Variants in COL21A1 observed in about 807,000 individuals in gnomAD.
COL21A1 encodes the protein collagen alpha-1(XXI) chain.
Under a neutral mutation model 137.9 loss-of-function variants are expected in COL21A1, and 149 were observed. The ratio of observed to expected loss-of-function variants is 1.08; its 90% CI spans 0.95 to 1.24. The LOEUF is 1.24. Ranked by LOEUF, COL21A1 falls within the 50% of genes most tolerant of loss-of-function variation. COL21A1 has a pLI of 0.00. For synonymous variants in COL21A1, 456 were observed against 391.5 expected (o/e 1.16, Z -1.95); for missense variants, 1,167 against 1,158.4 (o/e 1.01, Z -0.11).
intron 20 of COL21A1, among the ~76,000 whole-genome samples, chr6:56,072,270 T>C (rs1766826652): frequency 6.6e-6 from 1 of 151,610 alleles, no homozygotes; most frequent in Non-Finnish European, 1.5e-5. Flanking sequence ...TGAACATACG[T>C]GTGCTTGTAT....
At chr6:56,165,362 C>A (rs1776494179) in intron 7 of COL21A1, among the ~76,000 whole-genome samples, 1 of 152,104 alleles carries the variant, frequency 6.6e-6, no homozygotes, top group African/African-American at 2.4e-5. Flanking sequence ...AAAAGGCAAA[C>A]AGGCCACAGA....
chr6:56,119,630 AG>A (rs1772273347), intron 16 of COL21A1, among the ~76,000 whole-genome samples: 1 of 152,158 alleles, frequency 6.6e-6, no homozygotes, highest in African/African-American at 2.4e-5. Flanking sequence ...ATAAAAGTGG[AG>A]GAATTACATT....
chr6:56,358,127 T>C (rs567338308), intron 1 of COL21A1, among the ~76,000 whole-genome samples: 11 of 152,294 alleles, frequency 7.2e-5, no homozygotes, highest in African/African-American at 2.6e-4. Context: ...ACTTTTTTTC[T>C]AAGGGGTATA....
At chr6:56,088,111 C>A (rs1768429612) in intron 17 of COL21A1, among the ~76,000 whole-genome samples, 1 of 152,090 alleles carries the variant, frequency 6.6e-6, no homozygotes, top group Admixed American at 6.6e-5. Context: ...CACCTGTAAT[C>A]CTAGCACTTT....
chr6:56,214,159 T>C (rs565216955), intron 1 of COL21A1, among the ~76,000 whole-genome samples: 5 of 152,176 alleles, frequency 3.3e-5, no homozygotes, highest in Middle Eastern at 3.4e-3. Context: ...GAATTTCAAG[T>C]TCCATGATAA....
Position 56,331,471 on chromosome 6 carries a change from G to C in COL21A1, c.-39+62500C>G, listed in dbSNP as rs934179888. ...AATTTTTTATATGGTGAAAGATGGG[G>C]GTCCAGTTTCACGCTTCTGTATATG... On this transcript the variant is annotated intron_variant, in intron 1 of 28. Coordinates refer to the COL21A1 transcript ENST00000370819. 5.3e-5 allele frequency among the ~76,000 whole-genome samples: 8 copies of C among 151,918 alleles called. No individual in the cohort carries two copies. The East Asian group carries it at 1.4e-3, about 26-fold the overall frequency.
intron 22 of COL21A1, among the ~76,000 whole-genome samples, chr6:56,068,207 T>C (rs1396480325): frequency 6.6e-6 from 1 of 151,564 alleles, no homozygotes; most frequent in Admixed American, 6.6e-5. Context: ...GATCATACTG[T>C]GTATGATCTA....
chr6:56,132,746 G>T (rs1323369573), intron 12 of COL21A1, among the ~76,000 whole-genome samples: 2 of 152,178 alleles, frequency 1.3e-5, no homozygotes, highest in Non-Finnish European at 2.9e-5. Flanking sequence ...GAACCCAGTG[G>T]GAGGTAATTG....
chr6:56,087,552 C>T (rs919959788), intron 17 of COL21A1, among the ~76,000 whole-genome samples: 1 of 152,112 alleles, frequency 6.6e-6, no homozygotes, highest in Non-Finnish European at 1.5e-5. Flanking sequence ...ATTGATGGAA[C>T]CAATCCAGAA....
At chr6:56,173,864 T>G (rs1376933360) in intron 3 of COL21A1, among the ~76,000 whole-genome samples, 1 of 152,130 alleles carries the variant, frequency 6.6e-6, no homozygotes, top group Non-Finnish European at 1.5e-5. Flanking sequence ...GCATACAGAA[T>G]ATTCCACCAA....
At position 56,380,182 on chromosome 6, in the gene COL21A1, G is replaced by T. The variant is rs547619702; in HGVS notation, c.-39+13789C>A. ...CCTAGCACCTCCTCCCCTCTCTCTT[G>T]CTCCCTCTCTTGCCATGTGACACAG... On this transcript the variant is annotated intron_variant, in intron 1 of 28. Coordinates refer to the COL21A1 transcript ENST00000370819. Among the ~76,000 whole-genome samples the T allele has an allele frequency of 2.0e-5, 3 of 152,140 alleles. No homozygotes were observed. The South Asian group carries it at 6.2e-4, about 32-fold the overall frequency.
At chr6:56,168,441 TC>T in intron 5 of COL21A1, 144 bp from the exon 6 acceptor site, 2 of 533,798 alleles carry the variant, frequency 3.7e-6, no homozygotes, top group Non-Finnish European at 5.9e-6. Context: ...TTCACCCTGA[TC>T]CAAGGTGGAC....
At chr6:56,145,296 AT>A (rs1484674686) in intron 10 of COL21A1, among the ~76,000 whole-genome samples, 4 of 152,204 alleles carry the variant, frequency 2.6e-5, no homozygotes, top group Non-Finnish European at 5.9e-5. Context: ...TGATATGTAT[AT>A]TTTTAAGGTT....
chr6:56,290,681 T>C (rs1006370255), intron 1 of COL21A1, among the ~76,000 whole-genome samples: 5 of 152,078 alleles, frequency 3.3e-5, no homozygotes, highest in Admixed American at 2.6e-4. Context: ...TTTGTATTTT[T>C]AGTAGAGATG....
intron 16 of COL21A1, among the ~76,000 whole-genome samples, chr6:56,103,146 A>G (rs1194623496): frequency 6.6e-6 from 1 of 152,168 alleles, no homozygotes; most frequent in Non-Finnish European, 1.5e-5. Flanking sequence ...GGCAAGATCA[A>G]CTTCTTCATT....
chr6:56,300,154 T>A (rs1378040609), intron 1 of COL21A1, among the ~76,000 whole-genome samples: 1 of 152,078 alleles, frequency 6.6e-6, no homozygotes, highest in Non-Finnish European at 1.5e-5. Flanking sequence ...AACATGAATA[T>A]GAGGAAATTC....
intron 1 of COL21A1, among the ~76,000 whole-genome samples, chr6:56,297,350 T>A (rs1461154492): frequency 6.6e-6 from 1 of 151,400 alleles, no homozygotes; most frequent in Admixed American, 6.6e-5. Flanking sequence ...TACTTCATTG[T>A]TTTTTTTATT....
intron 1 of COL21A1, among the ~76,000 whole-genome samples, chr6:56,210,179 A>C (rs1780070212): frequency 6.6e-6 from 1 of 152,124 alleles, no homozygotes; most frequent in South Asian, 2.1e-4. Flanking sequence ...TGGGTGCAGC[A>C]AACCACCATG....
intron 9 of COL21A1, among the ~76,000 whole-genome samples, chr6:56,159,642 T>TTG (rs1776047405): frequency 6.6e-6 from 1 of 150,910 alleles, no homozygotes; most frequent in Non-Finnish European, 1.5e-5. Flanking sequence ...TACTTTTTTT[T>TTG]TTTTTTTTTT....
Sources: allele counts gnomAD v4.1 joint callset (sites outside exome capture counted in the v4.1 genomes callset), GRCh38; gene constraint gnomAD v4.1.1; transcripts MANE v1.5; gene names NCBI Gene and HGNC (gene_info 2026-07-23, HGNC 2026-07-21).